The following MCPH1 variants were observed in gnomAD, a reference collection of about 807,000 sequenced individuals.
The protein encoded by MCPH1 is microcephalin.
In MCPH1, 104 loss-of-function variants were observed where a neutral mutation model predicts 84.5. The observed-to-expected ratio is 1.23, with a 90% CI of 1.05 to 1.45. The LOEUF is 1.45. Ranked by LOEUF, MCPH1 falls within the 40% of genes most tolerant of loss-of-function variation. MCPH1 has a pLI of 0.00. For synonymous variants in MCPH1, 514 were observed against 366.8 expected (o/e 1.40, Z -4.58); for missense variants, 1,498 against 1,005.7 (o/e 1.49, Z -6.62).
At chr8:6,540,449 C>T (rs2922875) in intron 12 of MCPH1, among the ~76,000 whole-genome samples, 30,277 of 152,114 alleles carry the variant, frequency 0.2, 3,382 homozygotes, top group African/African-American at 0.31. Context: ...ACATTTTACA[C>T]GAGTGTCTTT....
At chr8:6,625,903 A>G (rs1411042131) in intron 13 of MCPH1, 2 of 985,190 alleles carry the variant, frequency 2.0e-6, no homozygotes. Flanking sequence ...TTTTTTAGCC[A>G]CTAGGAACCT....
At chr8:6,520,090 G>C (rs1416189299) in intron 12 of MCPH1, 1 of 1,383,892 alleles carries the variant, frequency 7.2e-7, no homozygotes, top group Non-Finnish European at 9.8e-7. Flanking sequence ...TATTACTTTG[G>C]AATTCTTAAG....
chr8:6,625,711 A>G (rs954902747), intron 13 of MCPH1: 1 of 978,214 alleles, frequency 1.0e-6, no homozygotes, highest in Non-Finnish European at 1.2e-6. Flanking sequence ...TTGAGCCCAT[A>G]AGTTCAAGGC....
chr8:6,579,751 A>C (rs1438068027), intron 12 of MCPH1, among the ~76,000 whole-genome samples: 1 of 152,182 alleles, frequency 6.6e-6, no homozygotes, highest in Non-Finnish European at 1.5e-5. Context: ...TACAGCCCCA[A>C]AGCACGTGTC....
intron 8 of MCPH1, chr8:6,445,983 T>C (rs770666265): frequency 2.3e-5 from 23 of 980,166 alleles, no homozygotes; most frequent in South Asian, 9.4e-5. Flanking sequence ...AGCCATCGAT[T>C]GTATCATAGA....
chr8:6,415,979 C>T (rs2442540), intron 3 of MCPH1, among the ~76,000 whole-genome samples: 148,112 of 152,304 alleles, frequency 0.97, 72,149 homozygotes, highest in East Asian at 1. Context: ...CCTTCAGTGA[C>T]ACTTTCTAGT....
rs751694970 is a variant in MCPH1, at chr8:6,445,145, A to G, written c.1423A>G (p.Asn475Asp). 1 of 1,614,256 alleles carries G rather than the reference A, an allele frequency of 6.2e-7. No homozygotes were observed. Residue 475 changes from asparagine to aspartate, a missense_variant, in exon 8 of 14, where the codon AAT becomes GAT. By Grantham distance (23) the Asn-to-Asp change is conservative. Coordinates refer to ENST00000344683, the MANE Select transcript of MCPH1 (RefSeq NM_024596.5). ...GKKTRTVDIT[N>D]FTAKTISSPR... ...AAAAACCAGAACAGTTGACATTACC[A>G]ATTTCACAGCAAAAACCATCTCCAG...
In MCPH1 at chr8:6,514,145, C is replaced by T. The variant is rs374973214; in HGVS notation, c.2214+14216C>T. Among the ~76,000 whole-genome samples the T allele has an allele frequency of 2.1e-4, 32 of 152,224 alleles. 1 individual carries two copies. Among genetic ancestry groups the T allele is most frequent in the South Asian group, 8.3e-4 (4 of 4,828 alleles). On this transcript the variant is annotated intron_variant, in intron 12 of 13. Transcript: ENST00000344683. ...GGAATGTGAAGCACCATTAAACAGT[C>T]GGCTTACCAAAAAAATGCTGAGTCC... is the stretch of plus-strand genomic sequence containing the variant.
chr8:6,615,145 A>T (rs979424795), intron 12 of MCPH1, among the ~76,000 whole-genome samples: 1 of 152,216 alleles, frequency 6.6e-6, no homozygotes, highest in East Asian at 1.9e-4. Flanking sequence ...CCTGGGCTGC[A>T]TTCACACATG....
At chr8:6,513,656 C>T (rs1236495931) in intron 12 of MCPH1, 1 of 1,586,864 alleles carries the variant, frequency 6.3e-7, no homozygotes, top group African/African-American at 1.4e-5. Flanking sequence ...TTTTTTCTTT[C>T]AATTACCATG....
At chr8:6,576,213 A>C (rs1391896150) in intron 12 of MCPH1, among the ~76,000 whole-genome samples, 1 of 152,186 alleles carries the variant, frequency 6.6e-6, no homozygotes, top group Non-Finnish European at 1.5e-5. Context: ...GCAAAGCTTC[A>C]TTCTGCAGCA....
intron 12 of MCPH1, among the ~76,000 whole-genome samples, chr8:6,522,468 A>T (rs1427161938): frequency 6.6e-6 from 1 of 152,084 alleles, no homozygotes; most frequent in Non-Finnish European, 1.5e-5. Flanking sequence ...TCCAATGAGG[A>T]AATTGAAACT....
At chr8:6,596,548 G>A (rs987848481) in intron 12 of MCPH1, among the ~76,000 whole-genome samples, 19 of 152,148 alleles carry the variant, frequency 1.2e-4, no homozygotes, top group African/African-American at 4.6e-4. Flanking sequence ...AGCACAATGG[G>A]CTGGGCAGTA....
chr8:6,566,742 GT>G (rs1826193641), intron 12 of MCPH1, among the ~76,000 whole-genome samples: 1 of 143,960 alleles, frequency 6.9e-6, no homozygotes. Context: ...GATAGTGCAC[GT>G]GTTGCGGTGA....
intron 12 of MCPH1, among the ~76,000 whole-genome samples, chr8:6,533,681 C>G (rs986192181): frequency 6.8e-6 from 1 of 147,812 alleles, no homozygotes; most frequent in Non-Finnish European, 1.5e-5. Flanking sequence ...TTCCTTTTCA[C>G]ATAGTGTAAC....
chr8:6,415,028 C>T, intron 3 of MCPH1, 145 bp downstream of exon 3: 1 of 777,882 alleles, frequency 1.3e-6, no homozygotes, highest in Admixed American at 2.4e-5. Flanking sequence ...TTGAAATCCT[C>T]CAGCCTCAAT....
intron 9 of MCPH1, among the ~76,000 whole-genome samples, chr8:6,463,868 C>T (rs553286974): frequency 6.6e-6 from 1 of 152,324 alleles, no homozygotes; most frequent in South Asian, 2.1e-4. Flanking sequence ...AGGCCTTTGG[C>T]TGTTTTCCAT....
chr8:6,501,102 G>C (rs1484331683), intron 12 of MCPH1: 1 of 152,204 alleles, frequency 6.6e-6, no homozygotes, highest in East Asian at 1.9e-4. Flanking sequence ...AGTAGATACA[G>C]TTCTAAGATA....
chr8:6,624,703 A>T (rs1263785093), intron 13 of MCPH1, among the ~76,000 whole-genome samples: 1 of 152,084 alleles, frequency 6.6e-6, no homozygotes, highest in Non-Finnish European at 1.5e-5. Context: ...TCTCTTTGTG[A>T]ATTGAATTCC....
Sources: gnomAD v4.1 joint callset for allele counts (sites outside exome capture counted in the v4.1 genomes callset) on GRCh38, gnomAD v4.1.1 for gene constraint, MANE v1.5 for transcripts, NCBI Gene and HGNC (gene_info 2026-07-23, HGNC 2026-07-21) for gene names.